Variants in RANBP2 observed in about 807,000 individuals in gnomAD.
The protein encoded by RANBP2 is E3 SUMO-protein ligase RanBP2.
Under a neutral mutation model 303.6 loss-of-function variants are expected in RANBP2, and 57 were observed. The ratio of observed to expected loss-of-function variants is 0.19; its 90% CI spans 0.15 to 0.23. RANBP2 has a LOEUF of 0.23. Among genes scored for constraint, RANBP2 ranks in the 10% least tolerant of loss-of-function variants. RANBP2 has a pLI of 1.00. For synonymous variants in RANBP2, 1,167 were observed against 1,301.5 expected (o/e 0.90, Z 2.23); for missense variants, 3,138 against 3,780.8 (o/e 0.83, Z 4.46).
chr2:108,749,191 T>G, intron 9 of RANBP2, 62 bp downstream of exon 9: 1 of 1,609,872 alleles, frequency 6.2e-7, no homozygotes, highest in Non-Finnish European at 8.5e-7. Context: ...GCCCATAATC[T>G]TATTACCCAG....
chr2:109,549,400 G>C, the RANBP2 span, among the ~76,000 whole-genome samples: 2 of 152,180 alleles, frequency 1.3e-5, no homozygotes, highest in African/African-American at 2.4e-5. Flanking sequence ...AAACTACAAA[G>C]AGGGAAACAT....
the RANBP2 span, among the ~76,000 whole-genome samples, chr2:109,196,422 C>T: frequency 6.6e-6 from 1 of 152,214 alleles, no homozygotes; most frequent in Non-Finnish European, 1.5e-5. Flanking sequence ...CCTGCTGTGG[C>T]ATGGCTTCCA....
chr2:109,031,508 G>C, the RANBP2 span, among the ~76,000 whole-genome samples: 6 of 152,362 alleles, frequency 3.9e-5, no homozygotes, highest in Admixed American at 3.9e-4. Flanking sequence ...TGCGCGCTCA[G>C]ACCCAGCAGT....
chr2:108,739,983 G>A (rs189663951), intron 6 of RANBP2, among the ~76,000 whole-genome samples: 1,916 of 148,802 alleles, frequency 0.013, 52 homozygotes, highest in African/African-American at 0.047. Context: ...GAGAGACTCC[G>A]TCTCAAAAAA....
At chr2:109,115,147 C>T in the RANBP2 span, among the ~76,000 whole-genome samples, 981 of 152,168 alleles carry the variant, frequency 6.4e-3, 14 homozygotes, top group African/African-American at 0.023. Context: ...CTATTAGGTC[C>T]GCTTGGTGCA....
the RANBP2 span, among the ~76,000 whole-genome samples, chr2:109,435,670 G>C: frequency 6.6e-6 from 1 of 152,358 alleles, no homozygotes; most frequent in Non-Finnish European, 1.5e-5. Flanking sequence ...GTTTTCTGCT[G>C]TCATGAGAGG....
At chr2:109,200,696 C>T in the RANBP2 span, among the ~76,000 whole-genome samples, 10 of 152,182 alleles carry the variant, frequency 6.6e-5, no homozygotes, top group Admixed American at 3.3e-4. Context: ...CCCTGCACTC[C>T]GGTTGGTTCA....
chr2:109,233,139 A>G, the RANBP2 span, among the ~76,000 whole-genome samples: 4 of 152,194 alleles, frequency 2.6e-5, no homozygotes, highest in African/African-American at 9.7e-5. Context: ...GTTGCTGTCC[A>G]TGGATGGCTA....
the RANBP2 span, among the ~76,000 whole-genome samples, chr2:109,009,082 A>G: frequency 6.6e-6 from 1 of 150,922 alleles, no homozygotes; most frequent in Non-Finnish European, 1.5e-5. Flanking sequence ...GCTCGAGCCT[A>G]TAATCCCAGC....
At chr2:109,172,056 T>C in the RANBP2 span, among the ~76,000 whole-genome samples, 1 of 152,210 alleles carries the variant, frequency 6.6e-6, no homozygotes, top group African/African-American at 2.4e-5. Flanking sequence ...TTTGGTTGCT[T>C]GGTTTGGAGC....
the RANBP2 span, among the ~76,000 whole-genome samples, chr2:109,066,265 C>T: frequency 6.6e-5 from 10 of 152,262 alleles, no homozygotes; most frequent in African/African-American, 2.2e-4. Context: ...TTTGCCACCA[C>T]ACCTGGCTAA....
chr2:109,028,178 G>A, the RANBP2 span, among the ~76,000 whole-genome samples: 56 of 152,160 alleles, frequency 3.7e-4, no homozygotes, highest in African/African-American at 1.3e-3. Context: ...GGCTGAGGTG[G>A]GTGGATCACC....
chr2:109,691,403 G>T, the RANBP2 span, among the ~76,000 whole-genome samples: 1 of 152,144 alleles, frequency 6.6e-6, no homozygotes, highest in Non-Finnish European at 1.5e-5. Context: ...GGGTTGGACC[G>T]GGGCCTGGTG....
chr2:109,565,116 AAT>A, the RANBP2 span, among the ~76,000 whole-genome samples: 1 of 152,190 alleles, frequency 6.6e-6, no homozygotes, highest in African/African-American at 2.4e-5. Flanking sequence ...TATTGTGACC[AAT>A]ACTCTTAAGT....
chr2:109,347,764 G>A, the RANBP2 span: 32 of 1,613,974 alleles, frequency 2.0e-5, no homozygotes, highest in African/African-American at 1.9e-4. Flanking sequence ...GGACATCATC[G>A]TCCTGCGGCG....
At chr2:109,400,423 CAT>C in the RANBP2 span, among the ~76,000 whole-genome samples, 53 of 152,306 alleles carry the variant, frequency 3.5e-4, no homozygotes, top group East Asian at 5.0e-3. Flanking sequence ...CACCTGTGCA[CAT>C]ATGTGCACTT....
the RANBP2 span, among the ~76,000 whole-genome samples, chr2:109,412,982 GC>G: frequency 6.6e-6 from 1 of 152,126 alleles, no homozygotes; most frequent in East Asian, 1.9e-4. Context: ...CGGCAGTGGG[GC>G]ATTCTGTGTC....
the RANBP2 span, among the ~76,000 whole-genome samples, chr2:109,027,426 G>C: frequency 6.6e-6 from 1 of 152,042 alleles, no homozygotes; most frequent in Non-Finnish European, 1.5e-5. Context: ...AGGAAAGACT[G>C]GATTTTGAAG....
At chr2:109,134,811 T>C in the RANBP2 span, among the ~76,000 whole-genome samples, 1 of 152,140 alleles carries the variant, frequency 6.6e-6, no homozygotes, top group South Asian at 2.1e-4. Context: ...CTGCAGATGC[T>C]CTTCTATGCA....
Sources: allele counts gnomAD v4.1 joint callset (sites outside exome capture counted in the v4.1 genomes callset), GRCh38; gene constraint gnomAD v4.1.1; transcripts MANE v1.5; gene names NCBI Gene and HGNC (gene_info 2026-07-23, HGNC 2026-07-21).